Variants in TMOD3 observed in about 807,000 individuals in gnomAD.
The protein encoded by TMOD3 is tropomodulin 3.
In TMOD3, 20 loss-of-function variants were observed where a neutral mutation model predicts 39.2. The observed-to-expected ratio is 0.51, with a 90% confidence interval of 0.36 to 0.74. The LOEUF (loss-of-function observed/expected upper bound fraction) is 0.74. Among genes scored for constraint, TMOD3 ranks in the 30% least tolerant of loss-of-function variants. The pLI, the probability that TMOD3 is intolerant of heterozygous loss-of-function variation, is 0.00. For synonymous variants in TMOD3, 143 were observed against 145.8 expected, an observed-to-expected ratio of 0.98 and a Z score of 0.14; for missense variants, 381 against 412.8, an observed-to-expected ratio of 0.92 and a Z score of 0.67.
In TMOD3 at chr15:51,912,020, G is replaced by A. The variant is rs900130042; in HGVS notation, c.*3210G>A. On this transcript the variant is annotated 3_prime_UTR_variant, in exon 10 of 10. Coordinates refer to ENST00000308580, the MANE Select transcript of TMOD3 (RefSeq NM_014547.5). ...CATCCTTGCTTTGTATAAGATATTC[G>A]CTCTGGAGAAGTTACATGTAAATAG... The A allele has an allele frequency of 2.0e-5, 3 of 152,110 alleles. No individual in the cohort carries two copies. Among genetic ancestry groups the A allele is most frequent in the Non-Finnish European group, 2.9e-5 (2 of 68,034 alleles). The allele number at this position is 152,110 out of a possible 1,614,324, so 9.4% of individuals were successfully genotyped here.
At chr15:51,859,700 T>C (rs2056406770) in intron 1 of TMOD3, 1 of 484,236 alleles carries the variant, frequency 2.1e-6, no homozygotes, top group Non-Finnish European at 4.1e-6. Context: ...AGAGTCTTCC[T>C]CAAAAAGCAT....
intron 1 of TMOD3, among the ~76,000 whole-genome samples, chr15:51,837,648 C>G (rs972144338): frequency 9.2e-5 from 14 of 152,170 alleles, no homozygotes; most frequent in African/African-American, 3.4e-4. Context: ...AGGATTTCAC[C>G]TCTGCAAGGC....
intron 1 of TMOD3, among the ~76,000 whole-genome samples, chr15:51,848,282 C>A (rs1472024970): frequency 1.3e-5 from 2 of 152,088 alleles, no homozygotes; most frequent in African/African-American, 4.8e-5. Context: ...AGGAAATGAC[C>A]TTATGAGAGT....
chr15:51,854,514 A>T (rs572903514), intron 1 of TMOD3, among the ~76,000 whole-genome samples: 1 of 152,226 alleles, frequency 6.6e-6, no homozygotes, highest in Non-Finnish European at 1.5e-5. Flanking sequence ...CTCATAGACT[A>T]TCTCTCTGAA....
At chr15:51,888,400 G>C (rs180959223) in intron 4 of TMOD3, among the ~76,000 whole-genome samples, 1 of 152,308 alleles carries the variant, frequency 6.6e-6, no homozygotes, top group Non-Finnish European at 1.5e-5. Flanking sequence ...AGCCACAGCA[G>C]GAGTCTTACG....
At chr15:51,903,031 G>C (rs895556703) in intron 9 of TMOD3, among the ~76,000 whole-genome samples, 2 of 152,064 alleles carry the variant, frequency 1.3e-5, no homozygotes, top group African/African-American at 4.8e-5. Context: ...CGATCCACCC[G>C]CCTCGGCCTC....
At chr15:51,892,051 T>C (rs1254467771) in intron 5 of TMOD3, among the ~76,000 whole-genome samples, 1 of 148,520 alleles carries the variant, frequency 6.7e-6, no homozygotes, top group Non-Finnish European at 1.5e-5. Flanking sequence ...AACCTTCATC[T>C]AAGTTGATCT....
intron 3 of TMOD3, among the ~76,000 whole-genome samples, chr15:51,873,080 C>T (rs921468130): frequency 6.6e-6 from 1 of 152,172 alleles, no homozygotes; most frequent in African/African-American, 2.4e-5. Flanking sequence ...CTGAAATCCA[C>T]CCTAGACTCT....
intron 3 of TMOD3, 154 bp from the exon 4 acceptor site, chr15:51,887,435 G>C (rs1043846557): frequency 7.5e-6 from 6 of 804,016 alleles, no homozygotes; most frequent in Non-Finnish European, 1.1e-5. Context: ...TATTACGCTG[G>C]AAACTTAAAA....
At position 51,835,128 on chromosome 15, in the gene TMOD3, A is replaced by G. The variant is rs989491182; in HGVS notation, c.-75+5292A>G. 6 of 152,302 alleles carry G rather than the reference A, an allele frequency of 3.9e-5. No homozygotes were observed. In the South Asian group the frequency reaches 6.2e-4, roughly 16 times the overall value. 9.4% of individuals were successfully genotyped at this position (152,302 alleles called of 1,614,324 possible). ...TGGAGACAACCTCATTTTAGAAGCA[A>G]TTGCATCTTCCTTATAAAATAGGCA... On this transcript the variant is annotated intron_variant, in intron 1 of 9. Transcript: ENST00000308580.
chr15:51,908,716 A>C, intron 9 of TMOD3, 60 bp from the exon 10 acceptor site: 2 of 1,426,482 alleles, frequency 1.4e-6, no homozygotes, highest in Non-Finnish European at 1.9e-6. Flanking sequence ...GTTATAAGCA[A>C]GTTACCATTG....
rs887288836 is a variant in TMOD3, at chr15:51,875,709, G to A, written c.283+6336G>A. ...CGGTTCACTGCAAGTTCCACCTCCT[G>A]GGTTCATGCCATTCACCTGCCTCAG... On this transcript the variant is annotated intron_variant, in intron 3 of 9. Coordinates refer to ENST00000308580, the MANE Select transcript of TMOD3 (RefSeq NM_014547.5). Among the ~76,000 whole-genome samples the A allele has an allele frequency of 2.0e-5, 3 of 147,680 alleles. No individual in the cohort carries two copies. In the Admixed American group the frequency reaches 2.1e-4, roughly 10 times the overall value.
chr15:51,900,094 T>A, intron 7 of TMOD3, 61 bp from the exon 8 acceptor site: 1 of 1,492,460 alleles, frequency 6.7e-7, no homozygotes, highest in Admixed American at 1.8e-5. Context: ...TTATGGCATG[T>A]ACAATATGTA....
At chr15:51,859,170 T>C in intron 1 of TMOD3, 1 of 708,876 alleles carries the variant, frequency 1.4e-6, no homozygotes, top group Non-Finnish European at 2.6e-6. Flanking sequence ...CAAAGATGGC[T>C]GTATTCTTCC....
At chr15:51,836,006 A>G (rs574108691) in intron 1 of TMOD3, among the ~76,000 whole-genome samples, 2 of 152,362 alleles carry the variant, frequency 1.3e-5, no homozygotes, top group African/African-American at 4.8e-5. Flanking sequence ...CTTGAATCCT[A>G]AAGCTTAACT....
chr15:51,891,034 C>A (rs1204488639), intron 5 of TMOD3, among the ~76,000 whole-genome samples: 1 of 152,006 alleles, frequency 6.6e-6, no homozygotes, highest in Non-Finnish European at 1.5e-5. Flanking sequence ...AAAGGCTTTT[C>A]TTTTAATGTA....
intron 3 of TMOD3, among the ~76,000 whole-genome samples, chr15:51,873,716 T>C (rs1468318000): frequency 6.6e-6 from 1 of 152,180 alleles, no homozygotes; most frequent in African/African-American, 2.4e-5. Context: ...CTTAATTTTT[T>C]TTTTTTTTGG....
In TMOD3 at chr15:51,869,226, C is replaced by T; in HGVS notation, c.136C>T (p.Leu46=). 1 of 1,613,680 alleles carries T rather than the reference C, an allele frequency of 6.2e-7. No individual in the cohort carries two copies. The highest frequency in any genetic ancestry group is 8.5e-7 in the Non-Finnish European group (1 of 1,179,854). ...LDDLDPENAL[L]PAGFRQKNQT... Reference sequence around the variant, plus strand: ...TCATTCTCTCTGGCAGAATGCCCTTCTGCCTGCAGGGTTCCGGCAGAAGAA... The same window carrying T: ...TCATTCTCTCTGGCAGAATGCCCTTTTGCCTGCAGGGTTCCGGCAGAAGAA... The change falls in exon 3 of 10, where the codon CTG becomes TTG. Residue 46 remains leucine (L), a synonymous_variant. Transcript: ENST00000308580.
chr15:51,910,541 A>T lies in TMOD3; in HGVS notation c.*1731A>T, dbSNP rs2056705005. ...CAGTGAGCTGAGATCGTACCACTGCACTGCAGTCTGGGTGACAAAGCAAGA... is the reference window on the plus strand; with the variant it reads ...CAGTGAGCTGAGATCGTACCACTGCTCTGCAGTCTGGGTGACAAAGCAAGA... On this transcript the variant is annotated 3_prime_UTR_variant, in exon 10 of 10. Coordinates refer to ENST00000308580, the MANE Select transcript of TMOD3 (RefSeq NM_014547.5). 2 of 152,300 alleles carry T rather than the reference A, an allele frequency of 1.3e-5. No homozygotes were observed. Among genetic ancestry groups the T allele is most frequent in the African/African-American group, 4.8e-5 (2 of 41,458 alleles). 9.4% of individuals were successfully genotyped at this position (152,300 alleles called of 1,614,324 possible). A position where few individuals can be genotyped will look rare whatever the true frequency, so the allele number is the denominator to read the frequency against.
Sources: gnomAD v4.1 joint callset for allele counts (sites outside exome capture counted in the v4.1 genomes callset) on GRCh38, gnomAD v4.1.1 for gene constraint, MANE v1.5 for transcripts, NCBI Gene and HGNC (gene_info 2026-07-23, HGNC 2026-07-21) for gene names.